ROR1: variants seen among roughly 807,000 people sequenced by gnomAD.
ROR1 encodes the protein ROR family WNT receptor 1.
ROR1 carries 19 observed loss-of-function variants against 78.8 expected under a neutral mutation model. The observed-to-expected ratio is 0.24, with a 90% CI of 0.17 to 0.35. The LOEUF (loss-of-function observed/expected upper bound fraction) is 0.35. Ranked by LOEUF, ROR1 falls within the 10% of genes least tolerant of loss-of-function variation. The pLI is 1.00. For synonymous variants in ROR1, 386 were observed against 433.6 expected (o/e 0.89, Z 1.36); for missense variants, 917 against 1,177.8 (o/e 0.78, Z 3.24).
intron 8 of ROR1, among the ~76,000 whole-genome samples, chr1:64,176,737 G>A (rs964954979): frequency 1.3e-5 from 2 of 152,202 alleles, no homozygotes; most frequent in African/African-American, 4.8e-5. Context: ...TTAATCAATG[G>A]AGAAGACCGC....
chr1:64,064,952 T>C (rs540084248), intron 4 of ROR1, among the ~76,000 whole-genome samples: 2 of 152,328 alleles, frequency 1.3e-5, no homozygotes, highest in South Asian at 4.1e-4. Flanking sequence ...TTGTTTTCTA[T>C]CTAGAAAAAT....
chr1:64,172,706 A>G (rs1372450831), intron 8 of ROR1, among the ~76,000 whole-genome samples: 1 of 152,208 alleles, frequency 6.6e-6, no homozygotes, highest in East Asian at 1.9e-4. Context: ...TCAAACAAAA[A>G]CTAAACAGAT....
At chr1:63,805,701 G>C (rs533243938) in intron 1 of ROR1, among the ~76,000 whole-genome samples, 20 of 152,268 alleles carry the variant, frequency 1.3e-4, no homozygotes, top group African/African-American at 4.8e-4. Context: ...CTTGGGATCC[G>C]AGCATTCCAA....
chr1:64,003,456 TAGAGATTGCATC>T (rs1209779250), intron 1 of ROR1, among the ~76,000 whole-genome samples: 1 of 152,204 alleles, frequency 6.6e-6, no homozygotes, highest in African/African-American at 2.4e-5. Context: ...TAACTTCATT[TAGAGATTGCATC>T]AGAAATCCAA....
In ROR1 at chr1:63,916,538, C is replaced by G. The variant is rs148073992; in HGVS notation, c.92-92767C>G. Among the ~76,000 whole-genome samples the G allele has an allele frequency of 3.2e-3, 480 of 152,344 alleles. 1 individual carries two copies. Among genetic ancestry groups the G allele is most frequent in the Non-Finnish European group, 3.0e-3 (206 of 68,028 alleles). On this transcript the variant is annotated intron_variant, in intron 1 of 8. Transcript: ENST00000371079. Reference sequence around the variant, plus strand: ...CACCTGCCATTTGTTCTCTGAAGCACTGGTTACAGGTTTTGAGATAAAATA... The same window carrying G: ...CACCTGCCATTTGTTCTCTGAAGCAGTGGTTACAGGTTTTGAGATAAAATA...
chr1:63,944,928 C>A (rs1313827297), intron 1 of ROR1, among the ~76,000 whole-genome samples: 1 of 152,104 alleles, frequency 6.6e-6, no homozygotes, highest in African/African-American at 2.4e-5. Context: ...TGTCTCTCAA[C>A]CTCTCTTGCA....
chr1:63,954,347 G>A (rs1308922925), intron 1 of ROR1, among the ~76,000 whole-genome samples: 2 of 152,224 alleles, frequency 1.3e-5, no homozygotes, highest in African/African-American at 4.8e-5. Context: ...CATTCTGCAG[G>A]CCAGACTTGG....
intron 2 of ROR1, among the ~76,000 whole-genome samples, chr1:64,018,476 C>T (rs1570067202): frequency 1.3e-5 from 2 of 152,232 alleles, no homozygotes; most frequent in South Asian, 2.1e-4. Context: ...CCTTCTCCCA[C>T]TGATGATCAC....
At chr1:63,864,915 G>T (rs537528429) in intron 1 of ROR1, among the ~76,000 whole-genome samples, 2 of 150,552 alleles carry the variant, frequency 1.3e-5, no homozygotes, top group African/African-American at 2.4e-5. Context: ...CAGAAATCAG[G>T]TATCAATAAG....
chr1:63,897,040 A>G (rs1645445815), intron 1 of ROR1, among the ~76,000 whole-genome samples: 1 of 152,184 alleles, frequency 6.6e-6, no homozygotes, highest in South Asian at 2.1e-4. Context: ...GTTGTTATTA[A>G]CAGTATTTTC....
At chr1:64,090,272 G>A (rs1383637140) in intron 4 of ROR1, among the ~76,000 whole-genome samples, 1 of 152,182 alleles carries the variant, frequency 6.6e-6, no homozygotes. Flanking sequence ...CACTGACAGT[G>A]AGTCATGTGA....
intron 4 of ROR1, among the ~76,000 whole-genome samples, chr1:64,125,494 T>C (rs1648678833): frequency 6.6e-6 from 1 of 151,954 alleles, no homozygotes; most frequent in South Asian, 2.1e-4. Context: ...AGGTTAGGGG[T>C]GTTTAGTAAA....
intron 1 of ROR1, among the ~76,000 whole-genome samples, chr1:63,871,105 A>C (rs1557537085): frequency 6.6e-6 from 1 of 152,206 alleles, no homozygotes; most frequent in African/African-American, 2.4e-5. Context: ...AATAAATGTG[A>C]AATGTTATGG....
chr1:64,150,487 T>A (rs1399412471), intron 7 of ROR1, among the ~76,000 whole-genome samples: 2 of 152,230 alleles, frequency 1.3e-5, no homozygotes, highest in African/African-American at 4.8e-5. Flanking sequence ...GCAAGGCAGA[T>A]GTTTTCCAGA....
chr1:64,001,369 A>C (rs1195579227), intron 1 of ROR1, among the ~76,000 whole-genome samples: 1 of 152,168 alleles, frequency 6.6e-6, no homozygotes, highest in Non-Finnish European at 1.5e-5. Flanking sequence ...TAGGACTGCA[A>C]AGGGGTTGCA....
intron 8 of ROR1, among the ~76,000 whole-genome samples, chr1:64,166,883 T>C (rs1650103102): frequency 6.6e-6 from 1 of 152,196 alleles, no homozygotes. Flanking sequence ...CCAATGTCTA[T>C]AGAAACTCTA....
intron 5 of ROR1, among the ~76,000 whole-genome samples, chr1:64,139,093 G>A (rs867612834): frequency 8.9e-5 from 13 of 146,620 alleles, no homozygotes; most frequent in Non-Finnish European, 7.4e-5. Context: ...CTTGAAACTG[G>A]AAGGCAGAAG....
At chr1:63,816,005 A>T (rs953527488) in intron 1 of ROR1, among the ~76,000 whole-genome samples, 1 of 152,216 alleles carries the variant, frequency 6.6e-6, no homozygotes, top group Non-Finnish European at 1.5e-5. Context: ...TCTTGGAATC[A>T]TGCAGAACAC....
intron 7 of ROR1, among the ~76,000 whole-genome samples, chr1:64,152,203 G>T (rs1039869056): frequency 6.6e-6 from 1 of 152,108 alleles, no homozygotes; most frequent in Non-Finnish European, 1.5e-5. Context: ...TTAACTTCTG[G>T]ATAATTTCTT....
Sources: allele counts gnomAD v4.1 joint callset (sites outside exome capture counted in the v4.1 genomes callset), GRCh38; gene constraint gnomAD v4.1.1; transcripts MANE v1.5; gene names NCBI Gene and HGNC (gene_info 2026-07-23, HGNC 2026-07-21).